ADIPOR2: variants seen among roughly 807,000 people sequenced by gnomAD.
ADIPOR2 encodes adiponectin receptor 2, also known as adiponectin receptor protein 2.
Under a neutral mutation model 40.9 loss-of-function variants are expected in ADIPOR2, and 18 were observed. The observed-to-expected ratio is 0.44, with a 90% CI of 0.30 to 0.65. The LOEUF is 0.65. ADIPOR2 is among the 30% of genes least tolerant of loss of function. ADIPOR2 has a pLI of 0.09. For missense variants in ADIPOR2, 283 were observed against 479.2 expected, an observed-to-expected ratio of 0.59 and a Z score of 3.82; for synonymous variants, 165 against 166.4, an observed-to-expected ratio of 0.99 and a Z score of 0.06.
chr12:1,718,285 T>G (rs1565635956), intron 1 of ADIPOR2, among the ~76,000 whole-genome samples: 1 of 152,170 alleles, frequency 6.6e-6, no homozygotes, highest in Admixed American at 6.5e-5. Context: ...TATTTCAAGT[T>G]CTTGAAAGAC....
chr12:1,714,472 G>A (rs2094683742), intron 1 of ADIPOR2, among the ~76,000 whole-genome samples: 1 of 152,082 alleles, frequency 6.6e-6, no homozygotes, highest in South Asian at 2.1e-4. Context: ...TCGGGTAACA[G>A]GGAAGTATAT....
At chr12:1,776,714 GGGACT>G (rs1441723814) in intron 3 of ADIPOR2, among the ~76,000 whole-genome samples, 2 of 152,156 alleles carry the variant, frequency 1.3e-5, no homozygotes, top group African/African-American at 4.8e-5. Flanking sequence ...AGGGCTCTGA[GGGACT>G]GAAAGGGTGG....
chr12:1,778,487 A>G (rs1862646168), intron 4 of ADIPOR2: 1 of 152,912 alleles, frequency 6.5e-6, no homozygotes, highest in Non-Finnish European at 1.5e-5. Context: ...AGTCTTTCCA[A>G]CAAATGGTGC....
At chr12:1,769,920 A>AT (rs113858183) in intron 2 of ADIPOR2, among the ~76,000 whole-genome samples, 6,447 of 140,390 alleles carry the variant, frequency 0.046, 220 homozygotes, top group East Asian at 0.2. Flanking sequence ...TACTAAAGTA[A>AT]TTTTTTTTTT....
intron 1 of ADIPOR2, among the ~76,000 whole-genome samples, chr12:1,717,052 G>A (rs1313255194): frequency 2.6e-5 from 4 of 152,196 alleles, no homozygotes; most frequent in Non-Finnish European, 5.9e-5. Flanking sequence ...ACTCAAACAT[G>A]AGCTCTGCTA....
At chr12:1,720,541 C>G (rs2094695868) in intron 1 of ADIPOR2, among the ~76,000 whole-genome samples, 1 of 152,146 alleles carries the variant, frequency 6.6e-6, no homozygotes, top group Non-Finnish European at 1.5e-5. Context: ...AGTGGCAGAT[C>G]ATCAGGCATT....
chr12:1,757,800 G>A (rs554379719), intron 2 of ADIPOR2: 12 of 881,666 alleles, frequency 1.4e-5, no homozygotes, highest in South Asian at 9.2e-5. Flanking sequence ...CCTTGCCATC[G>A]ATCTTAATGA....
At position 1,724,131 on chromosome 12, in the gene ADIPOR2, G is replaced by A. The variant is rs1017556536; in HGVS notation, c.-86-30127G>A. On this transcript the variant is annotated intron_variant, in intron 1 of 7. Coordinates refer to ENST00000357103, the MANE Select transcript of ADIPOR2 (RefSeq NM_024551.3). ...CTAGTGGCTGGGATTACAGGTGCCC[G>A]CCACGACGCCCAGCTAATTTTTTGT... Among the ~76,000 whole-genome samples, 3 of 151,902 alleles carry A rather than the reference G, an allele frequency of 2.0e-5. No homozygotes were observed. In the South Asian group the frequency reaches 6.2e-4, roughly 32 times the overall value.
At chr12:1,697,625 G>A (rs149063998) in intron 1 of ADIPOR2, 1 of 152,402 alleles carries the variant, frequency 6.6e-6, no homozygotes, top group African/African-American at 2.4e-5. Flanking sequence ...CTTGCTATCA[G>A]TCACAACATG....
intron 2 of ADIPOR2, chr12:1,761,095 C>T (rs1308947482): frequency 6.6e-6 from 1 of 152,106 alleles, no homozygotes; most frequent in Non-Finnish European, 1.5e-5. Flanking sequence ...TAATCTCTTA[C>T]TGTACCTAAT....
At chr12:1,712,832 G>T (rs776368200) in intron 1 of ADIPOR2, among the ~76,000 whole-genome samples, 1 of 152,094 alleles carries the variant, frequency 6.6e-6, no homozygotes, top group South Asian at 2.1e-4. Context: ...GGCTGTATTC[G>T]TTTCTTGCTG....
intron 1 of ADIPOR2, among the ~76,000 whole-genome samples, chr12:1,748,648 A>G (rs961485128): frequency 6.6e-6 from 1 of 151,646 alleles, no homozygotes; most frequent in South Asian, 2.1e-4. Flanking sequence ...TTTTTTGTCT[A>G]TGGATGTTCA....
At chr12:1,694,037 T>C (rs1269640075) in intron 1 of ADIPOR2, among the ~76,000 whole-genome samples, 1 of 152,224 alleles carries the variant, frequency 6.6e-6, no homozygotes, top group African/African-American at 2.4e-5. Context: ...ATTGAGCACT[T>C]ACTATGTACT....
chr12:1,730,334 C>CAGGCCGGGCGCGGT (rs1424593322), intron 1 of ADIPOR2, among the ~76,000 whole-genome samples: 1 of 151,058 alleles, frequency 6.6e-6, no homozygotes, highest in African/African-American at 2.4e-5. Flanking sequence ...AACAGTTGTT[C>CAGGCCGGGCGCGGT]AGGCCGGGCG....
At position 1,705,531 on chromosome 12, in the gene ADIPOR2, C is replaced by G. The variant is rs569037831; in HGVS notation, c.-87+14340C>G. ...AATTACAAAACATTGTATAAAATTA[C>G]CTTCAGGCTATGAAACAAATATATT... On this transcript the variant is annotated intron_variant, in intron 1 of 7. Transcript: ENST00000357103. Among the ~76,000 whole-genome samples the G allele has an allele frequency of 9.3e-4, 141 of 152,274 alleles. 2 individuals are homozygous for G. Among genetic ancestry groups the G allele is most frequent in the African/African-American group, 3.3e-3 (136 of 41,556 alleles).
At chr12:1,725,022 A>G (rs1421321555) in intron 1 of ADIPOR2, among the ~76,000 whole-genome samples, 1 of 152,210 alleles carries the variant, frequency 6.6e-6, no homozygotes, top group Non-Finnish European at 1.5e-5. Context: ...TGTCATTATG[A>G]AAGAGGGGCT....
intron 2 of ADIPOR2, among the ~76,000 whole-genome samples, chr12:1,766,369 G>T (rs1264957714): frequency 6.6e-6 from 1 of 152,178 alleles, no homozygotes; most frequent in African/African-American, 2.4e-5. Flanking sequence ...AAAGGTCAAG[G>T]TGTATAGTGG....
chr12:1,709,264 G>C (rs780755911), intron 1 of ADIPOR2, among the ~76,000 whole-genome samples: 1 of 152,116 alleles, frequency 6.6e-6, no homozygotes, highest in Non-Finnish European at 1.5e-5. Context: ...ATTTTTTAAG[G>C]TTCTTTAGTT....
intron 1 of ADIPOR2, among the ~76,000 whole-genome samples, chr12:1,715,376 T>G (rs1290578400): frequency 6.6e-6 from 1 of 152,080 alleles, no homozygotes; most frequent in Non-Finnish European, 1.5e-5. Context: ...ATGAGCCGCC[T>G]CTTTTTCAGG....
Sources: gnomAD v4.1 joint callset for allele counts (sites outside exome capture counted in the v4.1 genomes callset) on GRCh38, gnomAD v4.1.1 for gene constraint, MANE v1.5 for transcripts, NCBI Gene and HGNC (gene_info 2026-07-23, HGNC 2026-07-21) for gene names.